The following PAQR9 variants were observed in gnomAD, a reference collection of about 807,000 sequenced individuals.
The protein encoded by PAQR9 is membrane progestin receptor epsilon.
Under a neutral mutation model 24.0 loss-of-function variants are expected in PAQR9, and 12 were observed. That is an observed-to-expected ratio of 0.50 (90% CI 0.32 to 0.81). The LOEUF is 0.81. PAQR9 is among the 30% of genes least tolerant of loss of function. The pLI is 0.03. For missense variants in PAQR9, 418 were observed against 520.8 expected (o/e 0.80, Z 1.92); for synonymous variants, 266 against 237.6 (o/e 1.12, Z -1.10).
Position 142,957,993 on chromosome 3 carries a change from T to C in PAQR9, c.*4210A>G, listed in dbSNP as rs964872472. 6.6e-6 allele frequency among the ~76,000 whole-genome samples: 1 copy of C among 152,196 alleles called. No individual in the cohort carries two copies. The highest frequency in any genetic ancestry group is 2.4e-5 in the African/African-American group (1 of 41,448). ...GGCCAGAGAGACTTTCTGGGGCTTC[T>C]CTCTTCCACCAGAAGACAAAAGGGT... On this transcript the variant is annotated 3_prime_UTR_variant, in exon 1 of 1. Transcript: ENST00000340634.
downstream of PAQR9, chr3:142,950,640 CAG>C (rs1934699973): frequency 5.6e-6 from 2 of 359,102 alleles, no homozygotes; most frequent in Admixed American, 6.8e-5. Context: ...TGGGGTAACT[CAG>C]AGAATTATAT....
chr3:142,952,052 G>GA (rs537579305), downstream of PAQR9, among the ~76,000 whole-genome samples: 1 of 149,562 alleles, frequency 6.7e-6, no homozygotes, highest in Non-Finnish European at 1.5e-5. Flanking sequence ...AAAGAAGGGG[G>GA]GGGGGTGTTG....
At chr3:142,949,340 T>C (rs1378638028) in exon 3 of PAQR9, 1 of 152,216 alleles carries the variant, frequency 6.6e-6, no homozygotes, top group Non-Finnish European at 1.5e-5. Context: ...ACTAATGCAG[T>C]CAATCACTGA....
chr3:142,955,958 A>G lies in PAQR9; in HGVS notation c.*6245T>C, dbSNP rs1934785070. ...CTACTAGGTCTTTATCATTTGAGTA[A>G]GAGCTCAAGGTGATTAAACTCACCG... On this transcript the variant is annotated 3_prime_UTR_variant, in exon 1 of 1. Transcript: ENST00000340634. 6.6e-6 allele frequency among the ~76,000 whole-genome samples: 1 copy of G among 152,182 alleles called. No homozygotes were observed. Among genetic ancestry groups the G allele is most frequent in the Non-Finnish European group, 1.5e-5 (1 of 68,028 alleles).
rs1022003530 is a variant in PAQR9, at chr3:142,962,002, A to C, written c.*201T>G. 3.4e-5 allele frequency: 21 copies of C among 609,276 alleles called. No individual in the cohort carries two copies. The highest frequency in any genetic ancestry group is 5.4e-5 in the Non-Finnish European group (19 of 354,254). 37.7% of individuals were successfully genotyped at this position (609,276 alleles called of 1,614,324 possible). A position where few individuals can be genotyped will look rare whatever the true frequency, so the allele number is the denominator to read the frequency against. ...CAAGTGACTATCTCCCTCCCGCTTG[A>C]CCACCCCTGCCAACCTCCCTACTTC... is the stretch of plus-strand genomic sequence containing the variant. On this transcript the variant is annotated 3_prime_UTR_variant, in exon 1 of 1. Transcript: ENST00000340634.
Position 142,962,421 on chromosome 3 carries a change from T to A in PAQR9, c.916A>T (p.Ile306Phe), listed in dbSNP as rs776261889. The change falls in exon 1 of 1, where the codon ATT (isoleucine) becomes TTT (phenylalanine). Residue 306 changes from isoleucine to phenylalanine, a missense_variant. By Grantham distance (21) the Ile-to-Phe change is conservative. This residue lies in a region of PAQR9 where 230 missense variants were observed against 305.2 expected (regional missense o/e 0.75). Coordinates refer to ENST00000340634, the MANE Select transcript of PAQR9 (RefSeq NM_198504.4). The stretch of plus-strand genomic sequence containing the variant: ...AAGAGCTGGTGGCTGTGGCCGATAA[T>A]GTCGAAAAGACCCGGCTGGATGCGC... ...PERIQPGLFD[I>F]IGHSHQLFHI... is the part of the protein sequence containing the mutation. The A allele has an allele frequency of 1.9e-6, 3 of 1,614,014 alleles. No homozygotes were observed. The African/African-American group carries it at 4.0e-5, about 22-fold the overall frequency.
Position 142,956,369 on chromosome 3 carries a change from G to A in PAQR9, c.*5834C>T, listed in dbSNP as rs1322955733. ...TTTGGGTGGAGGTATAAGGCATGAG[G>A]GAAAGGTGGCCTGTCACTTTTACAC... is the stretch of plus-strand genomic sequence containing the variant. On this transcript the variant is annotated 3_prime_UTR_variant, in exon 1 of 1. Coordinates refer to ENST00000340634, the MANE Select transcript of PAQR9 (RefSeq NM_198504.4). 6.6e-6 allele frequency among the ~76,000 whole-genome samples: 1 copy of A among 152,140 alleles called. No homozygotes were observed. The highest frequency in any genetic ancestry group is 2.4e-5 in the African/African-American group (1 of 41,420).
In PAQR9 at chr3:142,963,643, CTGACTGCGGCGGCAGCGCGGCAGCGG is replaced by C; in HGVS notation, c.-333_-308del. 6.1e-6 allele frequency: 4 copies of C among 652,698 alleles called. No homozygotes were observed. The highest frequency in any genetic ancestry group is 7.6e-6 in the Non-Finnish European group (4 of 528,218). The allele number at this position is 652,698 out of a possible 1,614,324, so 40.4% of individuals were successfully genotyped here. On this transcript the variant is annotated 5_prime_UTR_variant, in exon 1 of 1. Coordinates refer to ENST00000340634, the MANE Select transcript of PAQR9 (RefSeq NM_198504.4). ...CGCTGCGGCAGCGGCGGCGGCGCGG[CTGACTGCGGCGGCAGCGCGGCAGCGG>C]TGACTGGGCATCGCGCGGTGCGGGT... is the stretch of plus-strand genomic sequence containing the variant.
rs1189918013 is a variant in PAQR9, at chr3:142,959,481, T to C, written c.*2722A>G. Among the ~76,000 whole-genome samples the C allele has an allele frequency of 6.6e-6, 1 of 152,194 alleles. No homozygotes were observed. Among genetic ancestry groups the C allele is most frequent in the African/African-American group, 2.4e-5 (1 of 41,440 alleles). Reference sequence around the variant, plus strand: ...AGAATGTCCTCTTGTCATTATTATATGTGGTCTACAAAATCTAAGATGGAA... The same window carrying C: ...AGAATGTCCTCTTGTCATTATTATACGTGGTCTACAAAATCTAAGATGGAA... On this transcript the variant is annotated 3_prime_UTR_variant, in exon 1 of 1. Transcript: ENST00000340634.
downstream of PAQR9, among the ~76,000 whole-genome samples, chr3:142,953,049 G>GA (rs1934740335): frequency 1.3e-5 from 2 of 152,204 alleles, no homozygotes; most frequent in African/African-American, 4.8e-5. Flanking sequence ...CCAGCACACA[G>GA]AACCTGAAGA....
Position 142,963,010 on chromosome 3 carries a change from GCC to G in PAQR9, c.325_326del (p.Gly109ArgfsTer267). The G allele has an allele frequency of 6.2e-7, 1 of 1,614,144 alleles. No individual in the cohort carries two copies. The highest frequency in any genetic ancestry group is 2.2e-5 in the East Asian group (1 of 44,868). On this transcript the variant is annotated frameshift_variant, in exon 1 of 1. Coordinates refer to ENST00000340634, the MANE Select transcript of PAQR9 (RefSeq NM_198504.4). LOFTEE classifies it high-confidence loss of function. ...ACGGGTGGTGGAAGGGCACGTCGCCGCCGCTCAGGAAGAACAGACGGCAGAAC... is the reference window on the plus strand; with the variant it reads ...ACGGGTGGTGGAAGGGCACGTCGCCGGCTCAGGAAGAACAGACGGCAGAAC... ...SKFCRLFFLS[G>X]GDVPFHHPWL...
Position 142,955,753 on chromosome 3 carries a change from C to T in PAQR9, c.*6450G>A, listed in dbSNP as rs1389423118. ...AAAACTAGCCTGTTTGAAAAGTAGA[C>T]CTTCTGTGCTAGGTTTTGCTGGAAG... On this transcript the variant is annotated 3_prime_UTR_variant, in exon 1 of 1. Coordinates refer to ENST00000340634, the MANE Select transcript of PAQR9 (RefSeq NM_198504.4). Among the ~76,000 whole-genome samples, 1 of 152,130 alleles carries T rather than the reference C, an allele frequency of 6.6e-6. No homozygotes were observed. Among genetic ancestry groups the T allele is most frequent in the Non-Finnish European group, 1.5e-5 (1 of 68,032 alleles).
At position 142,955,691 on chromosome 3, in the gene PAQR9, T is replaced by C. The variant is rs1199311391; in HGVS notation, c.*6512A>G. Among the ~76,000 whole-genome samples, 1 of 152,160 alleles carries C rather than the reference T, an allele frequency of 6.6e-6. No individual in the cohort carries two copies. Among genetic ancestry groups the C allele is most frequent in the Admixed American group, 6.5e-5 (1 of 15,284 alleles). The stretch of plus-strand genomic sequence containing the variant: ...CTTTATTGCCTTGGTACTCAGTTGA[T>C]TGGCGAGAATAATTTTGTTCATAGC... On this transcript the variant is annotated 3_prime_UTR_variant, in exon 1 of 1. Transcript: ENST00000340634.
downstream of PAQR9, among the ~76,000 whole-genome samples, chr3:142,953,224 G>A (rs900926429): frequency 1.3e-5 from 2 of 152,054 alleles, no homozygotes; most frequent in South Asian, 4.1e-4. Context: ...AGTGAGTTGG[G>A]GGTGGCTGAA....
rs1051405648 is a variant in PAQR9 at position 142,958,430 on chromosome 3, G to T, written c.*3773C>A. Among the ~76,000 whole-genome samples, 1 of 152,104 alleles carries T rather than the reference G, an allele frequency of 6.6e-6. No individual in the cohort carries two copies. Among genetic ancestry groups the T allele is most frequent in the Non-Finnish European group, 1.5e-5 (1 of 68,026 alleles). On this transcript the variant is annotated 3_prime_UTR_variant, in exon 1 of 1. Coordinates refer to ENST00000340634, the MANE Select transcript of PAQR9 (RefSeq NM_198504.4). Reference sequence around the variant, plus strand: ...TTGAAAACTTAATCCTGTCACCTTGGACCAACTATAAAGCTTTGAAATGGA... The same window carrying T: ...TTGAAAACTTAATCCTGTCACCTTGTACCAACTATAAAGCTTTGAAATGGA...
chr3:142,963,704 G>A, upstream of PAQR9: 1 of 742,928 alleles, frequency 1.3e-6, no homozygotes. Flanking sequence ...TGCCTCCGCC[G>A]CCGCCGCCCC....
At chr3:142,951,400 T>G (rs74439625), downstream of PAQR9, among the ~76,000 whole-genome samples, 3,341 of 152,320 alleles carry the variant, frequency 0.022, 44 homozygotes, top group Middle Eastern at 0.041. Context: ...GAACCTGCTT[T>G]GTTTTGCCAA....
upstream of PAQR9, chr3:142,963,992 G>A (rs964391604): frequency 1.7e-6 from 1 of 588,760 alleles, no homozygotes; most frequent in Non-Finnish European, 2.1e-6. Context: ...AGCCACGCGG[G>A]CGTTCTGGAG....
downstream of PAQR9, among the ~76,000 whole-genome samples, chr3:142,952,312 A>T (rs558170880): frequency 4.5e-4 from 69 of 152,234 alleles, 1 homozygote; most frequent in Non-Finnish European, 9.7e-4. Flanking sequence ...AGAATGGGAG[A>T]GAGCAGTTCA....
Sources: gnomAD v4.1 joint callset for allele counts (sites outside exome capture counted in the v4.1 genomes callset) on GRCh38, gnomAD v4.1.1 for gene constraint, gnomAD v4.1.1 regional missense constraint, MANE v1.5 for transcripts, NCBI Gene and HGNC (gene_info 2026-07-23, HGNC 2026-07-21) for gene names.